CDH8: variants seen among roughly 807,000 people sequenced by gnomAD.
CDH8 encodes the protein cadherin-8.
A neutral mutation model predicts 68.1 loss-of-function variants in CDH8; 17 were observed. The ratio of observed to expected loss-of-function variants is 0.25; its 90% confidence interval spans 0.17 to 0.37. The LOEUF (loss-of-function observed/expected upper bound fraction) is 0.37, where lower values mean the gene tolerates loss of function less well. CDH8 is among the 10% of genes least tolerant of loss of function. The pLI, the probability that CDH8 is intolerant of heterozygous loss-of-function variation, is 1.00. For synonymous variants in CDH8, 372 were observed against 365.1 expected (o/e 1.02, Z -0.21); for missense variants, 763 against 999.3 (o/e 0.76, Z 3.19).
At chr16:61,975,422 C>T (rs556365103) in intron 2 of CDH8, among the ~76,000 whole-genome samples, 26 of 152,258 alleles carry the variant, frequency 1.7e-4, no homozygotes, top group Admixed American at 1.4e-3. Flanking sequence ...CTTCATGTCT[C>T]TGTCAGTCAA....
chr16:61,711,310 C>A (rs117627640), intron 10 of CDH8, among the ~76,000 whole-genome samples: 1 of 149,834 alleles, frequency 6.7e-6, no homozygotes, highest in African/African-American at 2.5e-5. Context: ...TTAGAAAATG[C>A]CAAATACTGA....
Position 61,655,533 on chromosome 16 carries a change from G to A in CDH8, c.1843C>T (p.Leu615Phe), listed in dbSNP as rs1963425120. The change falls in exon 11 of 12, where the codon CTT (leucine) becomes TTT (phenylalanine). Residue 615 changes from leucine (L) to phenylalanine (F), a missense_variant. Leu to Phe is a conservative substitution (Grantham distance 22). Coordinates refer to ENST00000577390, the MANE Select transcript of CDH8 (RefSeq NM_001796.5). Reference sequence around the variant, plus strand: ...GCGCCCATACTGAGTCCAATTGGAAGGACATAAGCTTCGACATTGCAAGAC... The same window carrying A: ...GCGCCCATACTGAGTCCAATTGGAAAGACATAAGCTTCGACATTGCAAGAC... Reference protein sequence around the residue: ...VQSCNVEAYVLPIGLSMGALI... With the variant: ...VQSCNVEAYVFPIGLSMGALI... The A allele has an allele frequency of 3.1e-6, 5 of 1,613,984 alleles. No individual in the cohort carries two copies. The highest frequency in any genetic ancestry group is 1.3e-5 in the African/African-American group (1 of 74,916).
At chr16:61,703,569 G>A (rs1964473294) in intron 10 of CDH8, among the ~76,000 whole-genome samples, 1 of 152,130 alleles carries the variant, frequency 6.6e-6, no homozygotes, top group South Asian at 2.1e-4. Context: ...GGCCAGGTGC[G>A]GTGGCTCACG....
chr16:61,713,925 C>T lies in CDH8; in HGVS notation c.1570G>A (p.Asp524Asn), dbSNP rs1264566952. 4 of 1,608,328 alleles carry T rather than the reference C, an allele frequency of 2.5e-6. No individual in the cohort carries two copies. Among genetic ancestry groups the T allele is most frequent in the Non-Finnish European group, 3.4e-6 (4 of 1,175,584 alleles). The change falls in exon 10 of 12, where the codon GAT becomes AAT. Residue 524 changes from aspartate to asparagine, a missense_variant. This residue lies in a region of CDH8 where 397 missense variants were observed against 436.2 expected (regional missense o/e 0.91). Coordinates refer to ENST00000577390, the MANE Select transcript of CDH8 (RefSeq NM_001796.5). ...AAGAAATAATGTCCGTTTTTGGGAT[C>T]ATCTTTGTCCATGGCGCTAACAGTT... ...IQTVSAMDKD[D>N]PKNGHYFLYS...
intron 7 of CDH8, among the ~76,000 whole-genome samples, chr16:61,798,031 A>G (rs1961537757): frequency 6.6e-6 from 1 of 152,160 alleles, no homozygotes; most frequent in Non-Finnish European, 1.5e-5. Context: ...AACAAAAAAA[A>G]AGAAAATGCT....
At chr16:61,921,925 G>A (rs1964375497) in intron 2 of CDH8, among the ~76,000 whole-genome samples, 1 of 152,138 alleles carries the variant, frequency 6.6e-6, no homozygotes, top group African/African-American at 2.4e-5. Context: ...CAGCTACTCA[G>A]GAGGCTGAGG....
intron 8 of CDH8, among the ~76,000 whole-genome samples, chr16:61,787,178 C>T (rs913553578): frequency 7.0e-4 from 107 of 151,946 alleles, no homozygotes; most frequent in African/African-American, 2.4e-3. Context: ...AGAAAATTTT[C>T]GCAACCTACT....
At chr16:62,026,891 T>C (rs569280901) in intron 1 of CDH8, among the ~76,000 whole-genome samples, 22 of 152,332 alleles carry the variant, frequency 1.4e-4, no homozygotes, top group African/African-American at 5.0e-4. Flanking sequence ...ACTTGTGAGA[T>C]GCAACTGAGT....
At chr16:61,888,048 AG>A (rs1410338679) in intron 3 of CDH8, among the ~76,000 whole-genome samples, 7 of 152,190 alleles carry the variant, frequency 4.6e-5, no homozygotes, top group Non-Finnish European at 1.0e-4. Context: ...GAAGTGAAGA[AG>A]GCAGACAGGA....
chr16:61,791,733 T>C (rs1291019096), intron 7 of CDH8, among the ~76,000 whole-genome samples: 1 of 151,952 alleles, frequency 6.6e-6, no homozygotes, highest in Admixed American at 6.6e-5. Context: ...CAAAGAAGCA[T>C]GGGGAGCAAA....
intron 2 of CDH8, among the ~76,000 whole-genome samples, chr16:61,912,030 A>ATTTCTCATACAGTAGTC (rs1964170779): frequency 6.6e-6 from 1 of 152,066 alleles, no homozygotes; most frequent in African/African-American, 2.4e-5. Context: ...TATGAGATAG[A>ATTTCTCATACAGTAGTC]TTTCTCATAC....
chr16:61,722,661 T>C (rs1959232969), intron 9 of CDH8, among the ~76,000 whole-genome samples: 1 of 150,786 alleles, frequency 6.6e-6, no homozygotes, highest in South Asian at 2.1e-4. Context: ...TTTTGAAGTA[T>C]CTGTCATTGC....
At chr16:61,859,431 G>A (rs1053241809) in intron 3 of CDH8, among the ~76,000 whole-genome samples, 10 of 152,090 alleles carry the variant, frequency 6.6e-5, no homozygotes, top group Admixed American at 6.6e-4. Flanking sequence ...AGAAAATATA[G>A]GGGAATTTTC....
At chr16:61,857,980 C>T (rs1352676163) in intron 3 of CDH8, among the ~76,000 whole-genome samples, 1 of 151,602 alleles carries the variant, frequency 6.6e-6, no homozygotes, top group African/African-American at 2.4e-5. Flanking sequence ...TAAAGAGCAA[C>T]CAAATCTCTA....
chr16:61,885,069 T>A (rs1369914971), intron 3 of CDH8, among the ~76,000 whole-genome samples: 1 of 152,212 alleles, frequency 6.6e-6, no homozygotes, highest in Non-Finnish European at 1.5e-5. Context: ...CCTGTAATTT[T>A]GGTAGACTTA....
intron 10 of CDH8, among the ~76,000 whole-genome samples, chr16:61,666,549 GA>G (rs1251420898): frequency 6.6e-6 from 1 of 151,956 alleles, no homozygotes; most frequent in East Asian, 1.9e-4. Flanking sequence ...CAAACAAGAA[GA>G]AAAAGGAGGC....
At chr16:61,990,955 A>C (rs1038749495) in intron 2 of CDH8, among the ~76,000 whole-genome samples, 2 of 151,528 alleles carry the variant, frequency 1.3e-5, no homozygotes, top group African/African-American at 4.9e-5. Context: ...AGAGAGAGAA[A>C]AAAGAAAGAA....
At chr16:62,028,061 AT>A (rs768513131) in intron 1 of CDH8, among the ~76,000 whole-genome samples, 5,669 of 115,806 alleles carry the variant, frequency 0.049, 164 homozygotes, top group African/African-American at 0.14. Context: ...TGTCAAATCC[AT>A]TTTTTTTTTT....
intron 10 of CDH8, among the ~76,000 whole-genome samples, chr16:61,691,553 T>C (rs1413908849): frequency 2.0e-5 from 3 of 151,650 alleles, no homozygotes. Flanking sequence ...CCTCGGACTT[T>C]AGACAAGCAA....
Sources: gnomAD v4.1 joint callset for allele counts (sites outside exome capture counted in the v4.1 genomes callset) on GRCh38, gnomAD v4.1.1 for gene constraint, gnomAD v4.1.1 regional missense constraint, MANE v1.5 for transcripts, NCBI Gene and HGNC (gene_info 2026-07-23, HGNC 2026-07-21) for gene names.